The following CENPM variants were observed in gnomAD, a reference collection of about 807,000 sequenced individuals.
CENPM encodes the protein interphase centromere complex protein 39.
Under a neutral mutation model 19.6 loss-of-function variants are expected in CENPM, and 14 were observed. The ratio of observed to expected loss-of-function variants is 0.71; its 90% CI spans 0.47 to 1.11. CENPM has a LOEUF of 1.11. Among genes scored for constraint, CENPM ranks in the 50% most tolerant of loss-of-function variants. The pLI is 0.00. For synonymous variants in CENPM, 114 were observed against 101.5 expected (o/e 1.12, Z -0.74); for missense variants, 239 against 228.4 (o/e 1.05, Z -0.30).
At chr22:41,944,739 T>C in intron 4 of CENPM, 1 of 985,420 alleles carries the variant, frequency 1.0e-6, no homozygotes, top group Non-Finnish European at 1.2e-6. Flanking sequence ...TCACCGGAGA[T>C]GAGACTAGCT....
At chr22:41,934,002 G>T (rs545147708), downstream of CENPM, among the ~76,000 whole-genome samples, 3 of 152,230 alleles carry the variant, frequency 2.0e-5, no homozygotes, top group Non-Finnish European at 4.4e-5. Flanking sequence ...ACCTGAAAAG[G>T]GGGGCAGGCA....
intron 5 of CENPM, among the ~76,000 whole-genome samples, chr22:41,939,791 AGAAAG>A: frequency 8.4e-6 from 1 of 119,536 alleles, no homozygotes; most frequent in Admixed American, 1.0e-4. Flanking sequence ...AGAAAGAAAA[AGAAAG>A]AAAAAGAAAG....
At chr22:41,946,987 A>C (rs1340667911) in intron 1 of CENPM, 33 bp downstream of exon 1, 1 of 1,610,292 alleles carries the variant, frequency 6.2e-7, no homozygotes, top group Non-Finnish European at 8.5e-7. Context: ...AGGAGGAAAA[A>C]CCGGCGGGGG....
At position 41,944,685 on chromosome 22, in the gene CENPM, C is replaced by A. The variant is rs2146614329; in HGVS notation, c.310+540G>T. 6 of 985,374 alleles carry A rather than the reference C, an allele frequency of 6.1e-6. No homozygotes were observed. In the South Asian group the frequency reaches 2.3e-4, roughly 39 times the overall value. 61.0% of individuals were successfully genotyped at this position (985,374 alleles called of 1,614,324 possible). On this transcript the variant is annotated intron_variant, in intron 4 of 5. Coordinates refer to ENST00000215980, the MANE Select transcript of CENPM (RefSeq NM_024053.5). ...TAATATTACAAAGTCTCAGGAACAG[C>A]AGGACTTTTTCAGAGAACGATAAGC...
chr22:41,936,773 C>G (rs1200331708), downstream of CENPM, among the ~76,000 whole-genome samples: 1 of 152,118 alleles, frequency 6.6e-6, no homozygotes, highest in Non-Finnish European at 1.5e-5. Context: ...ACTAAAAATA[C>G]AAAAATTAGC....
chr22:41,941,088 T>A (rs1011681157), intron 5 of CENPM, among the ~76,000 whole-genome samples: 2 of 152,174 alleles, frequency 1.3e-5, no homozygotes, highest in African/African-American at 4.8e-5. Flanking sequence ...AGGGCCAATA[T>A]CTGACTCATT....
At chr22:41,931,627 G>GA in the CENPM span, among the ~76,000 whole-genome samples, 1 of 152,238 alleles carries the variant, frequency 6.6e-6, no homozygotes, top group South Asian at 2.1e-4. Context: ...TTCCAGATGA[G>GA]AAAACAGAGG....
chr22:41,944,819 C>A (rs1602392297), intron 4 of CENPM: 2 of 1,013,788 alleles, frequency 2.0e-6, no homozygotes, highest in Admixed American at 5.2e-5. Flanking sequence ...AAGCCACAGG[C>A]AACCACTAGG....
chr22:41,943,579 T>C, intron 5 of CENPM, 31 bp downstream of exon 5: 2 of 1,586,098 alleles, frequency 1.3e-6, no homozygotes, highest in East Asian at 2.2e-5. Flanking sequence ...CACCCGAGTA[T>C]AGTGTTGGTC....
At chr22:41,929,440 C>T in the CENPM span, among the ~76,000 whole-genome samples, 8 of 152,238 alleles carry the variant, frequency 5.3e-5, no homozygotes, top group East Asian at 9.6e-4. Context: ...AGGCCAGAGT[C>T]GGGAGAATTT....
intron 4 of CENPM, among the ~76,000 whole-genome samples, chr22:41,944,422 C>G (rs1194404830): frequency 7.9e-6 from 1 of 127,218 alleles, no homozygotes; most frequent in African/African-American, 3.1e-5. Flanking sequence ...GGCGGCTGAG[C>G]GAGACTCCGT....
intron 4 of CENPM, 144 bp downstream of exon 4, chr22:41,945,081 C>T: frequency 1.3e-6 from 2 of 1,523,136 alleles, no homozygotes; most frequent in East Asian, 2.5e-5. Context: ...TCTCCTTCTT[C>T]CTGCCCTCCA....
At chr22:41,929,429 G>A in the CENPM span, among the ~76,000 whole-genome samples, 1 of 152,202 alleles carries the variant, frequency 6.6e-6, no homozygotes, top group South Asian at 2.1e-4. Context: ...GTGGCCCAGT[G>A]AGGCCAGAGT....
At chr22:41,930,110 A>T in the CENPM span, among the ~76,000 whole-genome samples, 3 of 146,116 alleles carry the variant, frequency 2.1e-5, no homozygotes, top group African/African-American at 7.7e-5. Flanking sequence ...TGCCCGGCAA[A>T]TTTTTTGTAT....
At chr22:41,935,725 C>T (rs571791403), downstream of CENPM, among the ~76,000 whole-genome samples, 1 of 152,316 alleles carries the variant, frequency 6.6e-6, no homozygotes, top group African/African-American at 2.4e-5. Context: ...GCCTATCCTG[C>T]CACCCCCTGC....
intron 5 of CENPM, among the ~76,000 whole-genome samples, chr22:41,941,264 G>A (rs528879594): frequency 1.3e-5 from 2 of 152,330 alleles, no homozygotes; most frequent in South Asian, 4.1e-4. Flanking sequence ...CAATTATGCA[G>A]AAGAGTGTTC....
At chr22:41,944,252 C>T (rs978151356) in intron 4 of CENPM, 1 of 394,842 alleles carries the variant, frequency 2.5e-6, no homozygotes, top group Non-Finnish European at 3.4e-6. Flanking sequence ...GCCTGGCCAA[C>T]ATGGTGAAAC....
chr22:41,942,211 G>C (rs1446508109), intron 5 of CENPM, among the ~76,000 whole-genome samples: 1 of 152,254 alleles, frequency 6.6e-6, no homozygotes, highest in Non-Finnish European at 1.5e-5. Context: ...GCACATGGGT[G>C]TGGCAGTGCG....
chr22:41,944,415 G>C (rs1451546382), intron 4 of CENPM, among the ~76,000 whole-genome samples: 1 of 146,174 alleles, frequency 6.8e-6, no homozygotes, highest in African/African-American at 2.6e-5. Context: ...CAGCCTGGGC[G>C]GCTGAGCGAG....
Sources: gnomAD v4.1 joint callset for allele counts (sites outside exome capture counted in the v4.1 genomes callset) on GRCh38, gnomAD v4.1.1 for gene constraint, MANE v1.5 for transcripts, NCBI Gene and HGNC (gene_info 2026-07-23, HGNC 2026-07-21) for gene names.